Variants in FGF14 observed in about 807,000 individuals in gnomAD.
FGF14 encodes fibroblast growth factor 14.
Under a neutral mutation model 25.5 loss-of-function variants are expected in FGF14, and 5 were observed. That is an observed-to-expected ratio of 0.20 (90% CI 0.10 to 0.41). The LOEUF is 0.41. FGF14 is among the 10% of genes least tolerant of loss of function. FGF14 has a pLI of 1.00. For missense variants in FGF14, 222 were observed against 320.1 expected, an observed-to-expected ratio of 0.69 and a Z score of 2.34; for synonymous variants, 138 against 118.3, an observed-to-expected ratio of 1.17 and a Z score of -1.08.
intron 1 of FGF14, among the ~76,000 whole-genome samples, chr13:102,304,451 A>G (rs1416677209): frequency 6.6e-6 from 1 of 152,136 alleles, no homozygotes; most frequent in Admixed American, 6.6e-5. Context: ...TTGAAATTGT[A>G]CTTTCAAATT....
At chr13:101,889,731 C>T (rs145427100) in intron 1 of FGF14, among the ~76,000 whole-genome samples, 43 of 152,274 alleles carry the variant, frequency 2.8e-4, no homozygotes, top group African/African-American at 9.6e-4. Context: ...CTACCCCATG[C>T]AATACATGAA....
chr13:102,191,486 C>G (rs1160732437), intron 1 of FGF14, among the ~76,000 whole-genome samples: 1 of 152,148 alleles, frequency 6.6e-6, no homozygotes, highest in East Asian at 1.9e-4. Context: ...TCTGGTATCT[C>G]TTCTTTTAAG....
intron 1 of FGF14, among the ~76,000 whole-genome samples, chr13:102,016,578 C>T (rs2040359940): frequency 6.6e-6 from 1 of 152,060 alleles, no homozygotes; most frequent in Non-Finnish European, 1.5e-5. Context: ...TTTCCAAAGG[C>T]AAAAGATTTA....
intron 1 of FGF14, among the ~76,000 whole-genome samples, chr13:102,054,141 T>C: frequency 6.6e-6 from 1 of 152,194 alleles, no homozygotes; most frequent in South Asian, 2.1e-4. Context: ...AGAAAACCAA[T>C]CTGTCATCAC....
At chr13:102,005,364 G>C (rs982214825) in intron 1 of FGF14, among the ~76,000 whole-genome samples, 2 of 152,160 alleles carry the variant, frequency 1.3e-5, no homozygotes, top group Non-Finnish European at 2.9e-5. Flanking sequence ...CTTGCACAGA[G>C]ATTTCTGTGT....
At chr13:101,805,563 G>C (rs9518562) in intron 3 of FGF14, among the ~76,000 whole-genome samples, 1,646 of 152,250 alleles carry the variant, frequency 0.011, 15 homozygotes, top group Non-Finnish European at 0.017. Flanking sequence ...CAAACATGTA[G>C]TGGCGTTTTC....
intron 1 of FGF14, among the ~76,000 whole-genome samples, chr13:102,089,566 C>A (rs535420557): frequency 6.6e-6 from 1 of 152,268 alleles, no homozygotes; most frequent in Admixed American, 6.5e-5. Flanking sequence ...ACTGCCTAAA[C>A]GTTCCACATT....
At chr13:102,161,675 A>T (rs1324081909) in intron 1 of FGF14, among the ~76,000 whole-genome samples, 1 of 37,510 alleles carries the variant, frequency 2.7e-5, no homozygotes, top group African/African-American at 7.3e-5. Context: ...AAGAAGAAGA[A>T]GAAGAAGAAG....
intron 1 of FGF14, among the ~76,000 whole-genome samples, chr13:102,087,407 CTTTTTTT>C (rs71125043): frequency 2.5e-4 from 21 of 84,446 alleles, no homozygotes; most frequent in South Asian, 9.5e-4. Flanking sequence ...ACTGTAATTT[CTTTTTTT>C]TTTTTTTTTT....
intron 1 of FGF14, among the ~76,000 whole-genome samples, chr13:101,986,557 C>G (rs2139646125): frequency 6.6e-6 from 1 of 152,162 alleles, no homozygotes; most frequent in African/African-American, 2.4e-5. Flanking sequence ...AACAATGAGT[C>G]AAAGTTGCGT....
intron 1 of FGF14, among the ~76,000 whole-genome samples, chr13:102,331,829 T>C (rs903886303): frequency 2.6e-4 from 40 of 152,296 alleles, no homozygotes; most frequent in Admixed American, 5.2e-4. Flanking sequence ...GGCGATCCAC[T>C]GAGTTTATGT....
Position 101,781,453 on chromosome 13 carries a change from G to T in FGF14, c.409-54643C>A, listed in dbSNP as rs1004079397. 1.2e-4 allele frequency among the ~76,000 whole-genome samples: 19 copies of T among 152,202 alleles called. 1 individual carries two copies. The South Asian group carries it at 3.5e-3, about 28-fold the overall frequency. On this transcript the variant is annotated intron_variant, in intron 3 of 4. Transcript: ENST00000376143. The stretch of plus-strand genomic sequence containing the variant: ...AATACATGAGTGTCATACATATATC[G>T]AATAGTAGACTTTCAATTGTTGCAT...
chr13:102,271,357 C>T (rs914955961), intron 1 of FGF14, among the ~76,000 whole-genome samples: 5 of 152,118 alleles, frequency 3.3e-5, no homozygotes, highest in Non-Finnish European at 5.9e-5. Flanking sequence ...GTCCATTTGC[C>T]GTGTTCCAGT....
chr13:102,089,399 C>G (rs1450022031), intron 1 of FGF14, among the ~76,000 whole-genome samples: 1 of 152,148 alleles, frequency 6.6e-6, no homozygotes, highest in Non-Finnish European at 1.5e-5. Flanking sequence ...TAACAAGTAT[C>G]TTTTCAGTAA....
chr13:102,193,862 A>C lies in FGF14; in HGVS notation c.208+207609T>G, dbSNP rs528083655. On this transcript the variant is annotated intron_variant, in intron 1 of 4. Transcript: ENST00000376131. ...CATGATACATGTAAACAAACAGGGGAATATGGCCCCAAAACAAGGGGATAA... is the reference window on the plus strand; with the variant it reads ...CATGATACATGTAAACAAACAGGGGCATATGGCCCCAAAACAAGGGGATAA... Among the ~76,000 whole-genome samples the C allele has an allele frequency of 5.2e-4, 79 of 150,680 alleles. 1 individual carries two copies. The South Asian group carries it at 6.9e-3, about 13-fold the overall frequency.
chr13:102,022,068 C>T (rs1474839580), intron 1 of FGF14, among the ~76,000 whole-genome samples: 2 of 152,088 alleles, frequency 1.3e-5, no homozygotes. Flanking sequence ...CTGCCTAATT[C>T]TACCTTACTT....
At chr13:101,845,274 A>G (rs919003569) in intron 3 of FGF14, among the ~76,000 whole-genome samples, 7 of 152,182 alleles carry the variant, frequency 4.6e-5, no homozygotes, top group African/African-American at 1.4e-4. Flanking sequence ...ATCCTAGACC[A>G]TAAATGTTTT....
At chr13:101,723,175 T>C (rs542978061) in intron 4 of FGF14, 1 of 616,314 alleles carries the variant, frequency 1.6e-6, no homozygotes, top group Admixed American at 2.4e-5. Flanking sequence ...CTGGTCTGTA[T>C]ACCTAAAATA....
At position 101,717,561 on chromosome 13, in the gene FGF14, G is replaced by C. The variant is rs2034772135; in HGVS notation, c.*5270C>G. The C allele has an allele frequency of 6.6e-6, 1 of 152,090 alleles. No homozygotes were observed. Among genetic ancestry groups the C allele is most frequent in the African/African-American group, 2.4e-5 (1 of 41,408 alleles). 9.4% of individuals were successfully genotyped at this position (152,090 alleles called of 1,614,324 possible). A position where few individuals can be genotyped will look rare whatever the true frequency, so the allele number is the denominator to read the frequency against. On this transcript the variant is annotated 3_prime_UTR_variant, in exon 5 of 5. Transcript: ENST00000376143. The stretch of plus-strand genomic sequence containing the variant: ...GAATTCATTACATTATCTAGCCATC[G>C]TAATACAAATGACCTTTGGATTTCT...
Sources: gnomAD v4.1 joint callset for allele counts (sites outside exome capture counted in the v4.1 genomes callset) on GRCh38, gnomAD v4.1.1 for gene constraint, MANE v1.5 for transcripts, NCBI Gene and HGNC (gene_info 2026-07-23, HGNC 2026-07-21) for gene names.